Variants in ITGB6 observed in about 807,000 individuals in gnomAD.
ITGB6 encodes the protein integrin subunit beta 6.
A neutral mutation model predicts 84.5 loss-of-function variants in ITGB6; 80 were observed. That is an observed-to-expected ratio of 0.95 (90% CI 0.79 to 1.14). ITGB6 has a LOEUF of 1.14. Among genes scored for constraint, ITGB6 ranks in the 50% most tolerant of loss-of-function variants. ITGB6 has a pLI of 0.00. For missense variants in ITGB6, 1,006 were observed against 968.0 expected (o/e 1.04, Z -0.52); for synonymous variants, 383 against 354.9 (o/e 1.08, Z -0.89).
At chr2:160,123,715 G>A (rs1235282195) in intron 12 of ITGB6, 76 bp downstream of exon 12, 7 of 1,087,560 alleles carry the variant, frequency 6.4e-6, no homozygotes, top group African/African-American at 1.5e-5. Context: ...AATAGCCCTC[G>A]ATTCACAGAG....
intron 13 of ITGB6, among the ~76,000 whole-genome samples, chr2:160,108,480 C>T (rs1696999162): frequency 6.6e-6 from 1 of 152,112 alleles, no homozygotes; most frequent in South Asian, 2.1e-4. Flanking sequence ...AGATTCAATT[C>T]CCATCTGATG....
At chr2:160,172,108 CA>C (rs1452720984) in intron 6 of ITGB6, among the ~76,000 whole-genome samples, 2 of 152,078 alleles carry the variant, frequency 1.3e-5, no homozygotes, top group African/African-American at 4.8e-5. Flanking sequence ...TTATAAATGA[CA>C]AAAAATAAGC....
chr2:160,182,856 G>T (rs767151411), intron 4 of ITGB6, among the ~76,000 whole-genome samples: 3 of 152,174 alleles, frequency 2.0e-5, no homozygotes, highest in Non-Finnish European at 4.4e-5. Context: ...TTAAAGAAAA[G>T]AATTTTCAAC....
At chr2:160,118,712 A>G (rs1334594019) in intron 12 of ITGB6, among the ~76,000 whole-genome samples, 2 of 150,968 alleles carry the variant, frequency 1.3e-5, no homozygotes, top group African/African-American at 4.8e-5. Flanking sequence ...TTAGGAAAAG[A>G]GGAAGTCAAA....
At chr2:160,196,186 T>A (rs1245654404) in intron 3 of ITGB6, 30 bp downstream of exon 3, 1 of 1,568,644 alleles carries the variant, frequency 6.4e-7, no homozygotes, top group African/African-American at 1.4e-5. Context: ...TGACATTAGA[T>A]CTATTTACAT....
At chr2:160,153,419 C>T (rs897210419) in intron 7 of ITGB6, among the ~76,000 whole-genome samples, 1 of 152,156 alleles carries the variant, frequency 6.6e-6, no homozygotes, top group Non-Finnish European at 1.5e-5. Context: ...CTTCCTTACA[C>T]CTTATACAAA....
intron 4 of ITGB6, among the ~76,000 whole-genome samples, chr2:160,181,656 C>A (rs1685677376): frequency 6.6e-6 from 1 of 152,226 alleles, no homozygotes; most frequent in African/African-American, 2.4e-5. Flanking sequence ...CAGACTGCCT[C>A]CTCAAGTGGG....
intron 7 of ITGB6, among the ~76,000 whole-genome samples, chr2:160,154,379 A>G (rs1345547684): frequency 6.6e-6 from 1 of 151,714 alleles, no homozygotes; most frequent in African/African-American, 2.4e-5. Flanking sequence ...TGGGAATTGA[A>G]CAATGAGAAC....
At chr2:160,183,910 A>G (rs1478139216) in intron 4 of ITGB6, among the ~76,000 whole-genome samples, 1 of 152,234 alleles carries the variant, frequency 6.6e-6, no homozygotes, top group East Asian at 1.9e-4. Context: ...AGGCAGAAAT[A>G]AAGAAGTTCT....
intron 4 of ITGB6, among the ~76,000 whole-genome samples, chr2:160,191,354 TC>T (rs1453905090): frequency 6.6e-6 from 1 of 152,192 alleles, no homozygotes; most frequent in Admixed American, 6.5e-5. Flanking sequence ...GCAATGTGCT[TC>T]CTTTGTAGTT....
At chr2:160,125,272 A>G (rs1473205358) in intron 11 of ITGB6, among the ~76,000 whole-genome samples, 1 of 152,244 alleles carries the variant, frequency 6.6e-6, no homozygotes, top group African/African-American at 2.4e-5. Flanking sequence ...GCATGAATAA[A>G]TGGAAAAATG....
At chr2:160,197,776 A>T (rs756556170) in intron 2 of ITGB6, among the ~76,000 whole-genome samples, 1 of 152,252 alleles carries the variant, frequency 6.6e-6, no homozygotes, top group Non-Finnish European at 1.5e-5. Flanking sequence ...CCTTCTCAAC[A>T]CAGTGTCATT....
rs368167218 is a variant in ITGB6 at position 160,162,767 on chromosome 2, T to C, written c.1017+6445A>G. Among the ~76,000 whole-genome samples, 16 of 152,198 alleles carry C rather than the reference T, an allele frequency of 1.1e-4. 1 individual carries two copies. Among genetic ancestry groups the C allele is most frequent in the African/African-American group, 3.9e-4 (16 of 41,534 alleles). On this transcript the variant is annotated intron_variant, in intron 7 of 14. Transcript: ENST00000283249. Reference sequence around the variant, plus strand: ...CCGAGTAGCTGGGATTACAGGTGCATGCCACCACAACCTGCTAATTTTTTG... The same window carrying C: ...CCGAGTAGCTGGGATTACAGGTGCACGCCACCACAACCTGCTAATTTTTTG...
chr2:160,166,918 A>AT (rs1491389183), intron 7 of ITGB6, among the ~76,000 whole-genome samples: 4 of 152,222 alleles, frequency 2.6e-5, no homozygotes, highest in Non-Finnish European at 4.4e-5. Context: ...ACTAAAAAAA[A>AT]CAGTCATTTT....
intron 12 of ITGB6, among the ~76,000 whole-genome samples, chr2:160,118,552 A>G (rs1682885125): frequency 6.6e-6 from 1 of 152,070 alleles, no homozygotes; most frequent in African/African-American, 2.4e-5. Flanking sequence ...ACACACAGCC[A>G]ATATCATACT....
intron 12 of ITGB6, among the ~76,000 whole-genome samples, chr2:160,119,716 A>G (rs1682945450): frequency 6.6e-6 from 1 of 152,156 alleles, no homozygotes; most frequent in Non-Finnish European, 1.5e-5. Flanking sequence ...AACCACCATC[A>G]GAATGAACAG....
intron 12 of ITGB6, among the ~76,000 whole-genome samples, chr2:160,117,432 T>C (rs1682832284): frequency 6.6e-6 from 1 of 151,822 alleles, no homozygotes; most frequent in Non-Finnish European, 1.5e-5. Flanking sequence ...CATAACGAAA[T>C]GAAGGCAGAA....
In ITGB6 at chr2:160,172,817, G is replaced by A. The variant is rs950246471; in HGVS notation, c.760-87C>T. On this transcript the variant is annotated intron_variant, in intron 5 of 14. Coordinates refer to ENST00000283249, the MANE Select transcript of ITGB6 (RefSeq NM_000888.5). ...ATCAATTATGCTTGGACACATTTAG[G>A]TTATAAAAATAATATTGCTAGTCTA... 15 of 1,014,584 alleles carry A rather than the reference G, an allele frequency of 1.5e-5. No homozygotes were observed. In the South Asian group the frequency reaches 2.4e-4, roughly 16 times the overall value. The allele number at this position is 1,014,584 out of a possible 1,614,324, so 62.8% of individuals were successfully genotyped here. A position where few individuals can be genotyped will look rare whatever the true frequency, so the allele number is the denominator to read the frequency against.
At chr2:160,197,872 GCCT>G (rs1559243732) in intron 2 of ITGB6, among the ~76,000 whole-genome samples, 1 of 152,222 alleles carries the variant, frequency 6.6e-6, no homozygotes, top group East Asian at 1.9e-4. Context: ...CTAAGCAGAA[GCCT>G]AATTTACTTT....
Sources: gnomAD v4.1 joint callset for allele counts (sites outside exome capture counted in the v4.1 genomes callset) on GRCh38, gnomAD v4.1.1 for gene constraint, MANE v1.5 for transcripts, NCBI Gene and HGNC (gene_info 2026-07-23, HGNC 2026-07-21) for gene names.